The following MYLK variants were observed in gnomAD, a reference collection of about 807,000 sequenced individuals.
MYLK encodes the protein myosin light chain kinase.
In MYLK, 106 loss-of-function variants were observed where a neutral mutation model predicts 203.4. That is an observed-to-expected ratio of 0.52 (90% CI 0.45 to 0.61). The LOEUF (loss-of-function observed/expected upper bound fraction) is 0.61, where lower values mean the gene tolerates loss of function less well. Ranked by LOEUF, MYLK falls within the 20% of genes least tolerant of loss-of-function variation. The pLI is 0.00. For missense variants in MYLK, 2,072 were observed against 2,442.3 expected (o/e 0.85, Z 3.20); for synonymous variants, 867 against 959.5 (o/e 0.90, Z 1.78).
intron 2 of MYLK, among the ~76,000 whole-genome samples, chr3:123,857,360 C>A (rs1422315761): frequency 6.6e-6 from 1 of 151,822 alleles, no homozygotes; most frequent in Non-Finnish European, 1.5e-5. Flanking sequence ...ATGTTTATTG[C>A]GGCTCTATTC....
intron 2 of MYLK, among the ~76,000 whole-genome samples, chr3:123,838,903 T>C (rs1215333004): frequency 6.6e-6 from 1 of 152,142 alleles, no homozygotes; most frequent in South Asian, 2.1e-4. Context: ...GAGACCAGCC[T>C]GGCCAACATG....
chr3:123,707,563 C>A (rs2061509814), intron 16 of MYLK, among the ~76,000 whole-genome samples, 191 bp downstream of exon 16: 1 of 152,198 alleles, frequency 6.6e-6, no homozygotes, highest in Admixed American at 6.5e-5. Context: ...AGGGAAAGTT[C>A]TAATGAACAT....
intron 29 of MYLK, among the ~76,000 whole-genome samples, chr3:123,636,226 T>C (rs2058637936): frequency 6.6e-6 from 1 of 152,224 alleles, no homozygotes; most frequent in Non-Finnish European, 1.5e-5. Flanking sequence ...CCAAAAGTCC[T>C]GTATCCTGGC....
chr3:123,657,031 C>T, intron 24 of MYLK, 95 bp downstream of exon 24: 1 of 1,395,776 alleles, frequency 7.2e-7, no homozygotes, highest in Admixed American at 1.7e-5. Context: ...AATGTTTCCT[C>T]AGTTCCTTTT....
chr3:123,687,789 A>G (rs2060515313), intron 19 of MYLK, among the ~76,000 whole-genome samples: 1 of 151,854 alleles, frequency 6.6e-6, no homozygotes, highest in African/African-American at 2.4e-5. Context: ...CTCCTGGCTC[A>G]TCCTCCTGAG....
At chr3:123,643,129 T>C (rs1576410730) in intron 27 of MYLK, among the ~76,000 whole-genome samples, 1 of 152,226 alleles carries the variant, frequency 6.6e-6, no homozygotes, top group Non-Finnish European at 1.5e-5. Context: ...CATGGCCTTA[T>C]GTCCATAGCC....
At chr3:123,787,387 G>T (rs2064574239) in intron 4 of MYLK, among the ~76,000 whole-genome samples, 5 of 152,206 alleles carry the variant, frequency 3.3e-5, no homozygotes, top group Admixed American at 3.3e-4. Context: ...TGGGGTAACA[G>T]AGACACAGGA....
At chr3:123,769,586 C>T (rs1449449888) in intron 4 of MYLK, among the ~76,000 whole-genome samples, 3 of 152,208 alleles carry the variant, frequency 2.0e-5, no homozygotes, top group Non-Finnish European at 2.9e-5. Flanking sequence ...TTCAGAGACA[C>T]CTTTGTTGAT....
At chr3:123,725,845 T>C in intron 12 of MYLK, 99 bp downstream of exon 12, 6 of 1,509,338 alleles carry the variant, frequency 4.0e-6, no homozygotes, top group Non-Finnish European at 5.4e-6. Flanking sequence ...ACCACCAGGA[T>C]GTCCAAGGCA....
At chr3:123,645,034 C>G (rs1206524287) in intron 27 of MYLK, among the ~76,000 whole-genome samples, 1 of 152,134 alleles carries the variant, frequency 6.6e-6, no homozygotes, top group Non-Finnish European at 1.5e-5. Context: ...TCCACAACAC[C>G]TTGTTGGAAG....
At chr3:123,692,055 A>T (rs1303660908) in intron 19 of MYLK, among the ~76,000 whole-genome samples, 1 of 152,178 alleles carries the variant, frequency 6.6e-6, no homozygotes, top group Non-Finnish European at 1.5e-5. Context: ...GGAAGGAGAG[A>T]AAAAAGAGTC....
intron 19 of MYLK, among the ~76,000 whole-genome samples, chr3:123,688,656 A>C (rs1280634713): frequency 2.0e-5 from 3 of 151,946 alleles, no homozygotes; most frequent in East Asian, 1.9e-4. Flanking sequence ...GGTCCTCCTC[A>C]ACCTCACTTC....
intron 4 of MYLK, among the ~76,000 whole-genome samples, chr3:123,766,096 TA>T (rs1455718976): frequency 2.6e-5 from 4 of 152,212 alleles, no homozygotes; most frequent in Non-Finnish European, 4.4e-5. Flanking sequence ...TTTACCACAA[TA>T]AAAAAGTCAA....
At chr3:123,725,367 A>G (rs560879151) in intron 12 of MYLK, among the ~76,000 whole-genome samples, 1 of 152,322 alleles carries the variant, frequency 6.6e-6, no homozygotes, top group East Asian at 1.9e-4. Flanking sequence ...AAAGGGTGAT[A>G]ATATACGGCA....
At chr3:123,643,810 C>T (rs564158571) in intron 27 of MYLK, among the ~76,000 whole-genome samples, 1 of 152,378 alleles carries the variant, frequency 6.6e-6, no homozygotes, top group Admixed American at 6.5e-5. Context: ...ACTCGAGACC[C>T]TCCGCTCCTT....
chr3:123,837,816 G>A (rs890215551), intron 2 of MYLK, among the ~76,000 whole-genome samples: 2 of 151,788 alleles, frequency 1.3e-5, no homozygotes, highest in Non-Finnish European at 2.9e-5. Flanking sequence ...CACAACTGGG[G>A]AAACAAAATC....
chr3:123,878,700 T>G (rs2033313356), intron 1 of MYLK, among the ~76,000 whole-genome samples: 1 of 152,208 alleles, frequency 6.6e-6, no homozygotes, highest in African/African-American at 2.4e-5. Context: ...CTTGGATTTT[T>G]TTTTTAGACG....
At chr3:123,693,799 G>T (rs146660845) in intron 18 of MYLK, among the ~76,000 whole-genome samples, 133 of 152,348 alleles carry the variant, frequency 8.7e-4, no homozygotes, top group African/African-American at 3.1e-3. Flanking sequence ...AGGCAGAAGG[G>T]CAGCAGTTCC....
intron 2 of MYLK, among the ~76,000 whole-genome samples, chr3:123,837,845 T>A (rs1367573524): frequency 1.3e-5 from 2 of 151,324 alleles, no homozygotes; most frequent in African/African-American, 2.4e-5. Flanking sequence ...TGAAGATGAG[T>A]CAACAGAAAT....
Sources: gnomAD v4.1 joint callset for allele counts (sites outside exome capture counted in the v4.1 genomes callset) on GRCh38, gnomAD v4.1.1 for gene constraint, MANE v1.5 for transcripts, NCBI Gene and HGNC (gene_info 2026-07-23, HGNC 2026-07-21) for gene names.